Variants in FGF13 observed in about 807,000 individuals in gnomAD.
FGF13 encodes the protein fibroblast growth factor 13, also known as fibroblast growth factor homologous factor 2.
FGF13 carries 2 observed loss-of-function variants against 19.5 expected under a neutral mutation model. The observed-to-expected ratio is 0.10, with a 90% CI of 0.04 to 0.32. The LOEUF (loss-of-function observed/expected upper bound fraction) is 0.32. Ranked by LOEUF, FGF13 falls within the 10% of genes least tolerant of loss-of-function variation. The pLI, the probability that FGF13 is intolerant of heterozygous loss-of-function variation, is 1.00. For missense variants in FGF13, 113 were observed against 192.7 expected, an observed-to-expected ratio of 0.59 and a Z score of 2.45; for synonymous variants, 72 against 76.9, an observed-to-expected ratio of 0.94 and a Z score of 0.33.
At chrX:138,991,640 G>C (rs1321634758) in intron 1 of FGF13, among the ~76,000 whole-genome samples, 1 of 112,230 alleles carries the variant, frequency 8.9e-6, no homozygotes, top group Non-Finnish European at 1.9e-5. Context: ...AGTAACAATG[G>C]AGATGGCTGG....
Position 139,053,415 on chromosome X carries a change from GTT to G in FGF13, c.-113+149999_-113+150000del, listed in dbSNP as rs199847219. Among the ~76,000 whole-genome samples, 670 of 94,251 alleles carry G rather than the reference GTT, an allele frequency of 7.1e-3. 6 individuals carry two copies. The highest frequency in any genetic ancestry group is 0.024 in the African/African-American group (633 of 26,275). 81.8% of individuals were successfully genotyped at this position (94,251 alleles called of 115,157 possible). On this transcript the variant is annotated intron_variant, in intron 1 of 2. Transcript: ENST00000421460. ...TGCTGCATCCATGCCAGCATCTACT[GTT>G]TTTTTTTTTTTTGGTTTTTATGGCC... is the stretch of plus-strand genomic sequence containing the variant.
At chrX:138,923,472 T>A (rs757295529) in intron 1 of FGF13, among the ~76,000 whole-genome samples, 22 of 112,300 alleles carry the variant, frequency 2.0e-4, no homozygotes, top group Admixed American at 2.8e-4. Context: ...CAGCAATTGA[T>A]TTGCTGGTAC....
Position 138,616,697 on chromosome X carries a change from C to T in FGF13, c.*16153G>A, listed in dbSNP as rs1233969988. The T allele has an allele frequency of 8.9e-6, 1 of 112,509 alleles. No individual in the cohort carries two copies. Among genetic ancestry groups the T allele is most frequent in the Non-Finnish European group, 1.9e-5 (1 of 53,292 alleles). 9.3% of individuals were successfully genotyped at this position (112,509 alleles called of 1,213,427 possible). On this transcript the variant is annotated 3_prime_UTR_variant, in exon 5 of 5. Coordinates refer to ENST00000315930, the MANE Select transcript of FGF13 (RefSeq NM_004114.5). Reference sequence around the variant, plus strand: ...TGCACTGCCCTAGCAGAGGTTCTCCCTGAGAGCTCTACCCCTGCAGCAGAC... The same window carrying T: ...TGCACTGCCCTAGCAGAGGTTCTCCTTGAGAGCTCTACCCCTGCAGCAGAC...
chrX:139,044,208 G>C (rs748004392), intron 1 of FGF13, among the ~76,000 whole-genome samples: 1 of 111,994 alleles, frequency 8.9e-6, no homozygotes, highest in African/African-American at 3.3e-5. Flanking sequence ...AATTTACAAA[G>C]AAAACAGGTT....
intron 1 of FGF13, among the ~76,000 whole-genome samples, chrX:138,897,930 T>C (rs137992112): frequency 9.9e-5 from 11 of 111,348 alleles, no homozygotes; most frequent in African/African-American, 2.0e-4. Flanking sequence ...CAAATATTCA[T>C]AGGACTCTCA....
At chrX:139,175,348 C>A (rs919067880) in intron 1 of FGF13, among the ~76,000 whole-genome samples, 1 of 112,330 alleles carries the variant, frequency 8.9e-6, no homozygotes, top group African/African-American at 3.2e-5. Context: ...CATCTGCATA[C>A]AGAGACAATT....
downstream of FGF13, among the ~76,000 whole-genome samples, chrX:138,856,009 T>C (rs186751172): frequency 9.2e-6 from 1 of 108,408 alleles, no homozygotes; most frequent in Non-Finnish European, 1.9e-5. Flanking sequence ...ATTTTTAGAG[T>C]AAAGAAAGCA....
chrX:139,121,035 AC>A (rs927620049), intron 1 of FGF13, among the ~76,000 whole-genome samples: 4 of 112,466 alleles, frequency 3.6e-5, no homozygotes, highest in Middle Eastern at 4.2e-3. Context: ...CAATAGGACC[AC>A]TTAATATAGT....
intron 1 of FGF13, among the ~76,000 whole-genome samples, chrX:139,069,810 C>T (rs1397140840): frequency 1.8e-5 from 2 of 111,261 alleles, no homozygotes; most frequent in Admixed American, 9.5e-5. Flanking sequence ...AGAACAGAGG[C>T]CTCAGAAATA....
intron 3 of FGF13, among the ~76,000 whole-genome samples, chrX:138,761,138 T>A (rs754205769): frequency 8.9e-6 from 1 of 111,836 alleles, no homozygotes; most frequent in Non-Finnish European, 1.9e-5. Context: ...CTCAGCAGAA[T>A]CACCATGTTA....
chrX:138,781,660 T>C (rs1332534671), intron 3 of FGF13, among the ~76,000 whole-genome samples: 1 of 111,883 alleles, frequency 8.9e-6, no homozygotes, highest in Non-Finnish European at 1.9e-5. Context: ...ATTGTGGCAA[T>C]AATCAATAGC....
At chrX:138,933,337 C>T (rs543469435) in intron 1 of FGF13, among the ~76,000 whole-genome samples, 2 of 111,895 alleles carry the variant, frequency 1.8e-5, no homozygotes, top group South Asian at 7.5e-4. Context: ...GTGGAAGATT[C>T]CCTAAGATAT....
chrX:138,705,091 A>C (rs1169686635), intron 2 of FGF13, among the ~76,000 whole-genome samples: 1 of 112,130 alleles, frequency 8.9e-6, no homozygotes, highest in East Asian at 2.8e-4. Context: ...AAAACTTCCA[A>C]CATGGGGTTG....
chrX:138,855,941 G>C (rs1000345288), downstream of FGF13, among the ~76,000 whole-genome samples: 15 of 105,851 alleles, frequency 1.4e-4, no homozygotes, highest in Non-Finnish European at 2.7e-4. Flanking sequence ...TGATTTTTAG[G>C]CTGATTTGCA....
At chrX:139,197,657 CAA>C (rs1180507872) in intron 1 of FGF13, among the ~76,000 whole-genome samples, 1 of 111,028 alleles carries the variant, frequency 9.0e-6, no homozygotes, top group Non-Finnish European at 1.9e-5. Flanking sequence ...TGTCAGAAAC[CAA>C]AGAGTGCATA....
chrX:138,787,665 G>C (rs1275961561), intron 3 of FGF13, among the ~76,000 whole-genome samples: 1 of 111,188 alleles, frequency 9.0e-6, no homozygotes, highest in East Asian at 2.8e-4. Flanking sequence ...TAGGTTTTAA[G>C]TCCTGCATGC....
intron 1 of FGF13, among the ~76,000 whole-genome samples, chrX:138,718,563 G>A (rs1472355614): frequency 1.8e-5 from 2 of 111,783 alleles, no homozygotes; most frequent in Non-Finnish European, 3.8e-5. Context: ...CAATGGCACT[G>A]TTTGCTCCAA....
chrX:138,892,649 C>G (rs757470963), intron 1 of FGF13, among the ~76,000 whole-genome samples: 2 of 110,274 alleles, frequency 1.8e-5, no homozygotes, highest in Non-Finnish European at 3.8e-5. Context: ...GTAGAAGCCT[C>G]CAAAGGAGTG....
chrX:139,181,107 C>G (rs1489703305), intron 1 of FGF13, among the ~76,000 whole-genome samples: 2 of 112,483 alleles, frequency 1.8e-5, no homozygotes. Flanking sequence ...CGAAACCTCA[C>G]AGTTCCTGCC....
Sources: allele counts gnomAD v4.1 joint callset (sites outside exome capture counted in the v4.1 genomes callset), GRCh38; gene constraint gnomAD v4.1.1; transcripts MANE v1.5; gene names NCBI Gene and HGNC (gene_info 2026-07-23, HGNC 2026-07-21).